Variants in CREM observed in about 807,000 individuals in gnomAD.
CREM encodes the protein cAMP-responsive element modulator.
Under a neutral mutation model 37.3 loss-of-function variants are expected in CREM, and 13 were observed. The observed-to-expected ratio is 0.35, with a 90% CI of 0.23 to 0.55. The LOEUF (loss-of-function observed/expected upper bound fraction) is 0.55, where lower values mean the gene tolerates loss of function less well. Among genes scored for constraint, CREM ranks in the 20% least tolerant of loss-of-function variants. The probability of loss-of-function intolerance (pLI) is 0.88; values close to 1 mark genes in which losing one functional copy is unlikely to be tolerated. For missense variants in CREM, 296 were observed against 362.3 expected (o/e 0.82, Z 1.49); for synonymous variants, 124 against 120.2 (o/e 1.03, Z -0.21).
intron 3 of CREM, among the ~76,000 whole-genome samples, chr10:35,151,376 T>C (rs1473922539): frequency 6.6e-6 from 1 of 152,248 alleles, no homozygotes; most frequent in Non-Finnish European, 1.5e-5. Flanking sequence ...TTTTGTTTTT[T>C]TGAGACAGAG....
intron 6 of CREM, among the ~76,000 whole-genome samples, chr10:35,197,416 C>CTTTATTTA (rs202009348): frequency 0.015 from 2,103 of 142,786 alleles, 19 homozygotes; most frequent in Non-Finnish European, 0.019. Flanking sequence ...TTTCATTTTA[C>CTTTATTTA]TTTATTTATT....
chr10:35,208,522 G>A (rs1461716041), intron 7 of CREM, among the ~76,000 whole-genome samples: 1 of 152,148 alleles, frequency 6.6e-6, no homozygotes, highest in East Asian at 1.9e-4. Flanking sequence ...TGTCACCTTA[G>A]TCCTAATGTC....
intron 6 of CREM, among the ~76,000 whole-genome samples, chr10:35,196,816 A>G (rs748028895): frequency 2.6e-5 from 4 of 151,842 alleles, no homozygotes; most frequent in Non-Finnish European, 4.4e-5. Flanking sequence ...TTGTCTAAGC[A>G]TAAGACTCAT....
chr10:35,148,628 A>G, intron 3 of CREM, 137 bp downstream of exon 3: 1 of 988,558 alleles, frequency 1.0e-6, no homozygotes, highest in Non-Finnish European at 1.4e-6. Flanking sequence ...TTGATTGTGA[A>G]GAAAAGATAC....
intron 3 of CREM, among the ~76,000 whole-genome samples, chr10:35,173,058 T>TC (rs2093897337): frequency 1.3e-5 from 2 of 152,238 alleles, no homozygotes; most frequent in South Asian, 4.1e-4. Context: ...TAATACTGTG[T>TC]CATGAAATGT....
At chr10:35,137,031 C>G (rs958992929) in intron 1 of CREM, among the ~76,000 whole-genome samples, 12 of 152,156 alleles carry the variant, frequency 7.9e-5, no homozygotes, top group African/African-American at 2.7e-4. Flanking sequence ...CAAGGCTTGT[C>G]TCAAACTCCT....
chr10:35,192,396 TG>T (rs2094954873), intron 6 of CREM, among the ~76,000 whole-genome samples: 1 of 152,228 alleles, frequency 6.6e-6, no homozygotes, highest in South Asian at 2.1e-4. Context: ...TTGGCCAGGC[TG>T]GAACACAGTG....
intron 2 of CREM, among the ~76,000 whole-genome samples, chr10:35,138,263 T>TTAAA (rs1380037421): frequency 1.3e-5 from 2 of 152,250 alleles, no homozygotes; most frequent in Non-Finnish European, 2.9e-5. Flanking sequence ...TACCAACGTT[T>TTAAA]TAAAAATATC....
intron 2 of CREM, among the ~76,000 whole-genome samples, chr10:35,143,880 C>CT (rs1385692296): frequency 1.3e-5 from 2 of 151,988 alleles, no homozygotes; most frequent in Non-Finnish European, 2.9e-5. Flanking sequence ...AGCAGAGAGG[C>CT]TTTGGGAGTT....
rs150518949 is a variant in CREM at position 35,188,324 on chromosome 10, C to T, written c.534C>T (p.Tyr178=). ...APPPGATIVQ[Y]AAQSADGTQQ... is the part of the protein sequence containing the mutation. The stretch of plus-strand genomic sequence containing the variant: ...CACCAGGTGCTACAATTGTACAGTA[C>T]GCAGCACAATCAGCTGATGGCACAC... The change falls in exon 6 of 8, where the codon TAC becomes TAT. Residue 178 remains tyrosine, a synonymous_variant. Transcript: ENST00000685392. 28 of 1,614,090 alleles carry T rather than the reference C, an allele frequency of 1.7e-5. No individual in the cohort carries two copies. Among genetic ancestry groups the T allele is most frequent in the South Asian group, 5.5e-5 (5 of 91,058 alleles).
At chr10:35,172,737 G>A (rs2093882310) in intron 3 of CREM, among the ~76,000 whole-genome samples, 1 of 152,068 alleles carries the variant, frequency 6.6e-6, no homozygotes, top group Admixed American at 6.6e-5. Context: ...GACGACCCAT[G>A]GTGTTCTTAA....
chr10:35,139,857 A>G (rs1259271610), intron 2 of CREM, among the ~76,000 whole-genome samples: 1 of 152,216 alleles, frequency 6.6e-6, no homozygotes, highest in South Asian at 2.1e-4. Context: ...ATAGATGTTA[A>G]TGTTGTATGT....
chr10:35,157,097 A>G (rs1038129678), intron 3 of CREM, among the ~76,000 whole-genome samples: 1 of 152,226 alleles, frequency 6.6e-6, no homozygotes, highest in Non-Finnish European at 1.5e-5. Flanking sequence ...AACATATGCA[A>G]ATCAGTAAAC....
At chr10:35,199,990 A>C (rs1349309866) in intron 6 of CREM, among the ~76,000 whole-genome samples, 3 of 149,880 alleles carry the variant, frequency 2.0e-5, no homozygotes, top group Admixed American at 6.8e-5. Context: ...CCCAGGTTCA[A>C]GCGATTCACC....
chr10:35,189,159 G>A (rs929704943), intron 6 of CREM, among the ~76,000 whole-genome samples: 3 of 150,976 alleles, frequency 2.0e-5, no homozygotes, highest in African/African-American at 7.3e-5. Flanking sequence ...CAAAACAAAT[G>A]CTGACTTTGG....
intron 2 of CREM, among the ~76,000 whole-genome samples, chr10:35,142,119 A>G (rs1044545301): frequency 5.9e-5 from 9 of 152,132 alleles, no homozygotes; most frequent in Non-Finnish European, 8.8e-5. Context: ...AGTGTTGGCA[A>G]TTCTTTCAAA....
At chr10:35,143,332 G>A (rs2091689395) in intron 2 of CREM, among the ~76,000 whole-genome samples, 2 of 152,180 alleles carry the variant, frequency 1.3e-5, no homozygotes, top group South Asian at 4.1e-4. Context: ...AAGAAAGGGG[G>A]AGGCAGATGG....
intron 2 of CREM, 72 bp downstream of exon 2, chr10:35,137,951 T>TA: frequency 8.6e-7 from 1 of 1,162,156 alleles, no homozygotes; most frequent in Non-Finnish European, 1.2e-6. Flanking sequence ...AATAAATTGA[T>TA]ATATAGATGT....
In CREM at chr10:35,164,053, AAGT is replaced by A. The variant is rs200928670; in HGVS notation, c.169-14832_169-14830del. ...AATTAAATTTAGCTTGTTTACTTAAAAGTAGTGTTGAAGGTATTTTTCATACTA... is the reference window on the plus strand; with the variant it reads ...AATTAAATTTAGCTTGTTTACTTAAAAGTGTTGAAGGTATTTTTCATACTA... On this transcript the variant is annotated intron_variant, in intron 3 of 7. Coordinates refer to ENST00000685392, the MANE Select transcript of CREM (RefSeq NM_183011.2). 4.2e-3 allele frequency among the ~76,000 whole-genome samples: 645 copies of A among 152,232 alleles called. 7 individuals carry two copies. The highest frequency in any genetic ancestry group is 0.027 in the Admixed American group (414 of 15,284).
Sources: gnomAD v4.1 joint callset for allele counts (sites outside exome capture counted in the v4.1 genomes callset) on GRCh38, gnomAD v4.1.1 for gene constraint, MANE v1.5 for transcripts, NCBI Gene and HGNC (gene_info 2026-07-23, HGNC 2026-07-21) for gene names.